Variants in CSMD2 observed in about 807,000 individuals in gnomAD.
The protein encoded by CSMD2 is CUB and sushi domain-containing protein 2.
A neutral mutation model predicts 398.5 loss-of-function variants in CSMD2; 130 were observed. The observed-to-expected ratio is 0.33, with a 90% confidence interval of 0.28 to 0.38. CSMD2 has a LOEUF of 0.38. Among genes scored for constraint, CSMD2 ranks in the 10% least tolerant of loss-of-function variants. The pLI, the probability that CSMD2 is intolerant of heterozygous loss-of-function variation, is 1.00. For missense variants in CSMD2, 3,829 were observed against 4,764.9 expected (o/e 0.80, Z 5.78); for synonymous variants, 1,828 against 1,908.5 (o/e 0.96, Z 1.10).
At chr1:33,934,879 C>T (rs1644423843) in intron 4 of CSMD2, among the ~76,000 whole-genome samples, 1 of 150,240 alleles carries the variant, frequency 6.7e-6, no homozygotes, top group South Asian at 2.1e-4. Flanking sequence ...TGGCACATGC[C>T]TGCGGTCCCT....
chr1:33,882,351 T>C (rs1641292852), intron 5 of CSMD2: 1 of 152,252 alleles, frequency 6.6e-6, no homozygotes, highest in African/African-American at 2.4e-5. Context: ...ACTGATGGTC[T>C]AATGAGACAG....
chr1:34,080,121 G>A (rs1656891997), intron 2 of CSMD2, among the ~76,000 whole-genome samples: 1 of 132,572 alleles, frequency 7.5e-6, no homozygotes. Context: ...AAAGTAGAAT[G>A]TAAAGCAAAA....
At chr1:33,661,549 C>G (rs1256590133) in intron 26 of CSMD2, among the ~76,000 whole-genome samples, 1 of 152,190 alleles carries the variant, frequency 6.6e-6, no homozygotes, top group African/African-American at 2.4e-5. Context: ...GCCTGAGCAC[C>G]TCCCCAGCAT....
chr1:33,917,795 A>C (rs1643801412), intron 5 of CSMD2, among the ~76,000 whole-genome samples: 1 of 152,238 alleles, frequency 6.6e-6, no homozygotes, highest in Admixed American at 6.5e-5. Flanking sequence ...CCCTGTCCAC[A>C]TCCTGAGACC....
chr1:33,789,175 A>T (rs484731), intron 11 of CSMD2, among the ~76,000 whole-genome samples: 1 of 152,082 alleles, frequency 6.6e-6, no homozygotes, highest in East Asian at 1.9e-4. Context: ...TTGGAACCCA[A>T]GCCATTCTTT....
chr1:34,032,083 T>C (rs927247085), intron 3 of CSMD2, among the ~76,000 whole-genome samples: 19 of 152,142 alleles, frequency 1.2e-4, no homozygotes, highest in African/African-American at 4.1e-4. Context: ...CTGAGAGAAG[T>C]ACAAATTATT....
rs759051749 is a variant in CSMD2 at position 33,739,139 on chromosome 1, C to T, written c.2368+1G>A. The T allele has an allele frequency of 6.2e-7, 1 of 1,611,032 alleles. No homozygotes were observed. The highest frequency in any genetic ancestry group is 8.5e-7 in the Non-Finnish European group (1 of 1,178,922). ...ACTGCTCCCAGCCTGCAGGCTCGTA[C>T]CTTCACACCGCAGCACAGCGCTGTT... On this transcript the variant is annotated splice_donor_variant, in intron 15 of 70. Coordinates refer to ENST00000373381, the MANE Select transcript of CSMD2 (RefSeq NM_001281956.2). LOFTEE classifies it high-confidence loss of function.
Position 33,569,557 on chromosome 1 carries a change from T to C in CSMD2, c.7958-10A>G. 1 of 1,612,336 alleles carries C rather than the reference T, an allele frequency of 6.2e-7. No homozygotes were observed. Among genetic ancestry groups the C allele is most frequent in the Admixed American group, 1.7e-5 (1 of 59,912 alleles). ...TCTCCACAGGAGATGACTAAAATGA[T>C]CACAAGATGCTCAGTAAGCCAGCCC... On this transcript the variant is annotated splice_polypyrimidine_tract_variant and intron_variant, in intron 51 of 70. Coordinates refer to ENST00000373381, the MANE Select transcript of CSMD2 (RefSeq NM_001281956.2).
In CSMD2 at chr1:33,918,226, T is replaced by C. The variant is rs1481731221; in HGVS notation, c.788A>G (p.His263Arg). 6.2e-7 allele frequency: 1 copy of C among 1,614,152 alleles called. No homozygotes were observed. Among genetic ancestry groups the C allele is most frequent in the Non-Finnish European group, 8.5e-7 (1 of 1,180,026 alleles). ...ISSPHFPSEY[H>R]NNADCTWTIL... is the part of the protein sequence containing the mutation. ...GGTCCATGTGCAGTCGGCATTGTTA[T>C]GGTACTCCGAGGGGAAGTGGGGGCT... Residue 263 changes from histidine to arginine, a missense_variant, in exon 5 of 71, where the codon CAT (histidine) becomes CGT (arginine). By Grantham distance (29) the His-to-Arg change is conservative (BLOSUM62 0). Transcript: ENST00000373381.
rs11333218 is a variant in CSMD2, at chr1:33,514,280, C to CTTTTTTTT, written c.*2336_*2343dup. On this transcript the variant is annotated 3_prime_UTR_variant, in exon 71 of 71. Coordinates refer to ENST00000373381, the MANE Select transcript of CSMD2 (RefSeq NM_001281956.2). ...ACAATAATGAAAAAAAAATTTACACCTTTTTTTTTTTCTTTTTTGGTACTG... is the reference window on the plus strand; with the variant it reads ...ACAATAATGAAAAAAAAATTTACACCTTTTTTTTTTTTTTTTTTTCTTTTTTGGTACTG... 6.8e-6 allele frequency: 1 copy of CTTTTTTTT among 147,326 alleles called. No individual in the cohort carries two copies. Among genetic ancestry groups the CTTTTTTTT allele is most frequent in the Non-Finnish European group, 1.5e-5 (1 of 66,968 alleles). 9.1% of individuals were successfully genotyped at this position (147,326 alleles called of 1,614,324 possible).
At chr1:34,015,471 G>A (rs12752483) in intron 3 of CSMD2, among the ~76,000 whole-genome samples, 17,027 of 152,224 alleles carry the variant, frequency 0.11, 1,100 homozygotes, top group East Asian at 0.27. Flanking sequence ...AGCTAGGTGA[G>A]AGGCATGAGG....
At chr1:33,979,333 T>C (rs149422022) in intron 3 of CSMD2, among the ~76,000 whole-genome samples, 17 of 152,200 alleles carry the variant, frequency 1.1e-4, no homozygotes, top group African/African-American at 3.6e-4. Flanking sequence ...AAGCCTATTT[T>C]GTGTTTTCCT....
At chr1:33,863,691 C>G (rs1477696785) in intron 5 of CSMD2, 1 of 156,628 alleles carries the variant, frequency 6.4e-6, no homozygotes, top group Non-Finnish European at 1.4e-5. Context: ...ATCCACCTCC[C>G]CATGTTCATT....
At chr1:33,885,513 G>C (rs1641532122) in intron 5 of CSMD2, 1 of 152,158 alleles carries the variant, frequency 6.6e-6, no homozygotes, top group Admixed American at 6.5e-5. Flanking sequence ...GGCTGGTCCA[G>C]AGAGAAACGC....
intron 6 of CSMD2, among the ~76,000 whole-genome samples, chr1:33,832,452 G>A (rs376258024): frequency 7.0e-6 from 1 of 142,336 alleles, no homozygotes; most frequent in Non-Finnish European, 1.5e-5. Context: ...TTGAAACCAA[G>A]GAGAACAAAG....
Position 33,947,795 on chromosome 1 carries a change from T to C in CSMD2, c.518-11841A>G, listed in dbSNP as rs140404033. Among the ~76,000 whole-genome samples the C allele has an allele frequency of 2.9e-3, 440 of 152,326 alleles. 3 individuals carry two copies. The highest frequency in any genetic ancestry group is 9.8e-3 in the African/African-American group (409 of 41,574). On this transcript the variant is annotated intron_variant, in intron 3 of 70. Coordinates refer to ENST00000373381, the MANE Select transcript of CSMD2 (RefSeq NM_001281956.2). The stretch of plus-strand genomic sequence containing the variant: ...CTCCTTCAGCATAAGCACCATCGCT[T>C]ACGGACCACTTCTATGACAAACTTC...
chr1:33,705,186 G>A (rs501501), intron 22 of CSMD2, among the ~76,000 whole-genome samples: 137,103 of 152,242 alleles, frequency 0.9, 61,935 homozygotes, highest in African/African-American at 0.97. Flanking sequence ...TTATGAATAC[G>A]ATGTGGAATT....
At chr1:33,830,905 G>T (rs1018698688) in intron 6 of CSMD2, among the ~76,000 whole-genome samples, 3 of 152,208 alleles carry the variant, frequency 2.0e-5, no homozygotes, top group African/African-American at 4.8e-5. Context: ...GGAAGAAAGG[G>T]TATCAGTGAT....
In CSMD2 at chr1:33,587,013, G is replaced by A. The variant is rs112234973; in HGVS notation, c.6937+75C>T. On this transcript the variant is annotated intron_variant, in intron 45 of 70. Transcript: ENST00000373381. ...AGCAGGGGATAAGGTCCACTGGCCC[G>A]ACAGCTCCCCCCGCCACCTTCCCTT... is the stretch of plus-strand genomic sequence containing the variant. 1.2e-3 allele frequency: 1,428 copies of A among 1,206,178 alleles called. 11 individuals carry two copies. In the African/African-American group the frequency reaches 0.017, roughly 15 times the overall value. 74.7% of individuals were successfully genotyped at this position (1,206,178 alleles called of 1,614,324 possible).
Sources: gnomAD v4.1 joint callset for allele counts (sites outside exome capture counted in the v4.1 genomes callset) on GRCh38, gnomAD v4.1.1 for gene constraint, MANE v1.5 for transcripts, NCBI Gene and HGNC (gene_info 2026-07-23, HGNC 2026-07-21) for gene names.